FOXN3: variants seen among roughly 807,000 people sequenced by gnomAD.
FOXN3 encodes forkhead box protein N3.
A neutral mutation model predicts 38.4 loss-of-function variants in FOXN3; 7 were observed. The ratio of observed to expected loss-of-function variants is 0.18; its 90% CI spans 0.10 to 0.34. The LOEUF (loss-of-function observed/expected upper bound fraction) is 0.34. Among genes scored for constraint, FOXN3 ranks in the 10% least tolerant of loss-of-function variants. The pLI, the probability that FOXN3 is intolerant of heterozygous loss-of-function variation, is 1.00. For synonymous variants in FOXN3, 230 were observed against 242.2 expected (o/e 0.95, Z 0.47); for missense variants, 456 against 613.4 (o/e 0.74, Z 2.71).
At chr14:89,489,438 G>C (rs548683605) in intron 1 of FOXN3, among the ~76,000 whole-genome samples, 11 of 152,280 alleles carry the variant, frequency 7.2e-5, no homozygotes, top group African/African-American at 2.4e-4. Flanking sequence ...AATATTTGCA[G>C]ATACAGCAGT....
At chr14:89,550,127 A>C (rs1894972365) in intron 1 of FOXN3, among the ~76,000 whole-genome samples, 1 of 152,168 alleles carries the variant, frequency 6.6e-6, no homozygotes, top group Admixed American at 6.5e-5. Context: ...GCTGGCAGGC[A>C]CTGACTGAGC....
chr14:89,230,044 C>T (rs1283474566), intron 4 of FOXN3, among the ~76,000 whole-genome samples: 1 of 152,158 alleles, frequency 6.6e-6, no homozygotes, highest in Non-Finnish European at 1.5e-5. Context: ...GTAAGGCCCT[C>T]AATGCCATGA....
At chr14:89,312,932 C>T (rs957520984) in intron 3 of FOXN3, among the ~76,000 whole-genome samples, 2 of 152,178 alleles carry the variant, frequency 1.3e-5, no homozygotes, top group African/African-American at 2.4e-5. Context: ...AAATCCTTTT[C>T]GCTGAAGGTC....
chr14:89,582,197 G>A (rs1342480282), intron 1 of FOXN3, among the ~76,000 whole-genome samples: 2 of 152,048 alleles, frequency 1.3e-5, no homozygotes, highest in African/African-American at 4.8e-5. Flanking sequence ...GTCCATCCTT[G>A]TTCTCTTCCC....
intron 1 of FOXN3, among the ~76,000 whole-genome samples, chr14:89,473,926 G>A (rs1016022483): frequency 1.3e-5 from 2 of 150,766 alleles, no homozygotes; most frequent in Non-Finnish European, 2.9e-5. Context: ...ATTCTCCCAC[G>A]CTAAAAAAAA....
intron 1 of FOXN3, among the ~76,000 whole-genome samples, chr14:89,538,691 T>C (rs1185311816): frequency 6.6e-6 from 1 of 151,152 alleles, no homozygotes. Flanking sequence ...GCTAATTTTG[T>C]ATTTTTAGTA....
chr14:89,245,189 G>C (rs996546246), intron 4 of FOXN3, among the ~76,000 whole-genome samples: 1 of 152,120 alleles, frequency 6.6e-6, no homozygotes, highest in Non-Finnish European at 1.5e-5. Context: ...AAAAACAAAG[G>C]AAAAATCGAG....
At chr14:89,305,331 C>T (rs911688048) in intron 3 of FOXN3, among the ~76,000 whole-genome samples, 3 of 152,184 alleles carry the variant, frequency 2.0e-5, no homozygotes, top group African/African-American at 7.2e-5. Flanking sequence ...ATCTTAAGAG[C>T]CCTTGAGAAA....
chr14:89,161,577 G>GTGTA lies in FOXN3; in HGVS notation c.*836_*837insTACA, dbSNP rs1887102356. ...CCTTCGTGTGTGTGTGTGTGTGTGT[G>GTGTA]TGTGTGTGTGTGTGTGTGTGCGTGC... is the stretch of plus-strand genomic sequence containing the variant. On this transcript the variant is annotated 3_prime_UTR_variant, in exon 6 of 6. Coordinates refer to ENST00000557258, the MANE Select transcript of FOXN3 (RefSeq NM_005197.4). 6.9e-6 allele frequency: 1 copy of GTGTA among 145,678 alleles called. No individual in the cohort carries two copies. Among genetic ancestry groups the GTGTA allele is most frequent in the South Asian group, 2.2e-4 (1 of 4,588 alleles). The allele number at this position is 145,678 out of a possible 1,614,324, so 9.0% of individuals were successfully genotyped here.
chr14:89,233,441 A>T (rs1884880987), intron 4 of FOXN3, among the ~76,000 whole-genome samples: 1 of 101,946 alleles, frequency 9.8e-6, no homozygotes, highest in African/African-American at 3.4e-5. Flanking sequence ...TAGGAGCTGG[A>T]ATTTCCCATC....
At chr14:89,180,247 C>T (rs957816991) in intron 5 of FOXN3, among the ~76,000 whole-genome samples, 4 of 152,156 alleles carry the variant, frequency 2.6e-5, no homozygotes, top group Non-Finnish European at 4.4e-5. Context: ...TACCAAAGCT[C>T]GCCTCACATC....
At chr14:89,578,881 T>C (rs1895687550) in intron 1 of FOXN3, among the ~76,000 whole-genome samples, 1 of 152,234 alleles carries the variant, frequency 6.6e-6, no homozygotes, top group South Asian at 2.1e-4. Context: ...AGGGTCTTGC[T>C]CCTTCGCCCA....
intron 3 of FOXN3, among the ~76,000 whole-genome samples, chr14:89,289,335 G>C (rs903745670): frequency 6.6e-6 from 1 of 152,068 alleles, no homozygotes; most frequent in Admixed American, 6.6e-5. Context: ...TCATTTTTGC[G>C]ACTGGTTAGC....
intron 2 of FOXN3, among the ~76,000 whole-genome samples, chr14:89,365,858 G>C (rs1890125611): frequency 6.6e-6 from 1 of 152,112 alleles, no homozygotes; most frequent in African/African-American, 2.4e-5. Flanking sequence ...TACACACAAA[G>C]TACACATGGA....
chr14:89,386,214 A>C (rs1365919337), intron 2 of FOXN3, among the ~76,000 whole-genome samples: 1 of 152,246 alleles, frequency 6.6e-6, no homozygotes, highest in Non-Finnish European at 1.5e-5. Flanking sequence ...TTAACCAACC[A>C]AAAATTATTT....
At chr14:89,327,534 A>G (rs151223793) in intron 3 of FOXN3, among the ~76,000 whole-genome samples, 1 of 152,330 alleles carries the variant, frequency 6.6e-6, no homozygotes, top group East Asian at 1.9e-4. Context: ...GATAATGGTA[A>G]AAGGCACCTC....
At chr14:89,233,338 C>T (rs1030483455) in intron 4 of FOXN3, among the ~76,000 whole-genome samples, 1 of 152,132 alleles carries the variant, frequency 6.6e-6, no homozygotes, top group Non-Finnish European at 1.5e-5. Flanking sequence ...AAAGTGGTAA[C>T]TTGGTGGTGT....
In FOXN3 at chr14:89,314,486, C is replaced by A. The variant is rs1887665382; in HGVS notation, c.681-33472G>T. 2.6e-5 allele frequency among the ~76,000 whole-genome samples: 4 copies of A among 152,184 alleles called. No individual in the cohort carries two copies. The South Asian group carries it at 8.3e-4, about 32-fold the overall frequency. ...ACCAAAAGAACTTAAATGACATCAT[C>A]AGTCATTGTTCTGTGACCATTAAAA... is the stretch of plus-strand genomic sequence containing the variant. On this transcript the variant is annotated intron_variant, in intron 3 of 5. Coordinates refer to ENST00000557258, the MANE Select transcript of FOXN3 (RefSeq NM_005197.4).
At chr14:89,487,616 T>C (rs1893475901) in intron 1 of FOXN3, among the ~76,000 whole-genome samples, 2 of 152,204 alleles carry the variant, frequency 1.3e-5, no homozygotes. Context: ...CACCCTACTC[T>C]ACTTTGTGTT....
Sources: gnomAD v4.1 joint callset for allele counts (sites outside exome capture counted in the v4.1 genomes callset) on GRCh38, gnomAD v4.1.1 for gene constraint, MANE v1.5 for transcripts, NCBI Gene and HGNC (gene_info 2026-07-23, HGNC 2026-07-21) for gene names.